The following CCDC171 variants were observed in gnomAD, a reference collection of about 807,000 sequenced individuals.
The protein encoded by CCDC171 is coiled-coil domain-containing protein 171.
CCDC171 carries 177 observed loss-of-function variants against 168.2 expected under a neutral mutation model. The observed-to-expected ratio is 1.05, with a 90% CI of 0.93 to 1.19. CCDC171 has a LOEUF of 1.19. CCDC171 is among the 50% of genes most tolerant of loss of function. CCDC171 has a pLI of 0.00. For synonymous variants in CCDC171, 687 were observed against 540.8 expected (o/e 1.27, Z -3.75); for missense variants, 1,991 against 1,539.0 (o/e 1.29, Z -4.91).
upstream of CCDC171, among the ~76,000 whole-genome samples, chr9:16,038,692 T>G (rs1415351787): frequency 6.6e-6 from 1 of 151,920 alleles, no homozygotes; most frequent in Non-Finnish European, 1.5e-5. Context: ...AAGCTCAAAC[T>G]AAGATGGCAG....
At chr9:15,963,022 G>A (rs73411564) in intron 25 of CCDC171, among the ~76,000 whole-genome samples, 1 of 151,654 alleles carries the variant, frequency 6.6e-6, no homozygotes, top group Non-Finnish European at 1.5e-5. Context: ...TGTATTATAT[G>A]GTTGTCATAC....
At chr9:16,106,687 T>G in the CCDC171 span, among the ~76,000 whole-genome samples, 1 of 152,242 alleles carries the variant, frequency 6.6e-6, no homozygotes, top group Non-Finnish European at 1.5e-5. Context: ...TGTTATTTAA[T>G]TGAGAGTCAT....
intron 21 of CCDC171, among the ~76,000 whole-genome samples, chr9:15,822,740 C>G (rs1563809612): frequency 1.3e-5 from 2 of 152,172 alleles, no homozygotes; most frequent in Non-Finnish European, 2.9e-5. Context: ...GTTGGTGGGA[C>G]TGTAAACTAG....
At chr9:15,894,559 G>T (rs1410810031) in intron 24 of CCDC171, among the ~76,000 whole-genome samples, 2 of 151,910 alleles carry the variant, frequency 1.3e-5, no homozygotes, top group South Asian at 2.1e-4. Flanking sequence ...CATGATCTGG[G>T]CCCTGCTGCT....
chr9:15,831,823 T>TTTTTTTTTTTTTTTTTTGAGACGG (rs2060245027), intron 21 of CCDC171, among the ~76,000 whole-genome samples: 1 of 151,872 alleles, frequency 6.6e-6, no homozygotes, highest in African/African-American at 2.4e-5. Flanking sequence ...AACTGCCTTT[T>TTTTTTTTTTTTTTTTTTGAGACGG]AAAAAATGTT....
chr9:16,008,738 C>T (rs990130965), intron 3 of CCDC171, among the ~76,000 whole-genome samples: 1 of 152,176 alleles, frequency 6.6e-6, no homozygotes, highest in Non-Finnish European at 1.5e-5. Flanking sequence ...TATACAGTAA[C>T]ATCTAACACC....
chr9:16,037,102 A>G (rs1381154712), intron 8 of CCDC171, among the ~76,000 whole-genome samples: 1 of 152,238 alleles, frequency 6.6e-6, no homozygotes, highest in Non-Finnish European at 1.5e-5. Flanking sequence ...AACCATAGTT[A>G]ATAATTTATT....
At chr9:15,797,873 C>A (rs1286225335) in intron 21 of CCDC171, among the ~76,000 whole-genome samples, 1 of 152,064 alleles carries the variant, frequency 6.6e-6, no homozygotes, top group Non-Finnish European at 1.5e-5. Context: ...TTAAGTTATT[C>A]CTGTGCTGTT....
chr9:15,554,214 G>C (rs541321245), intron 1 of CCDC171, among the ~76,000 whole-genome samples: 1 of 152,220 alleles, frequency 6.6e-6, no homozygotes, highest in East Asian at 1.9e-4. Flanking sequence ...TGGAGACGGG[G>C]TTTCACTGTG....
rs562707545 is a variant in CCDC171, at chr9:15,942,955, T to G, written c.3753+22533T>G. Among the ~76,000 whole-genome samples the G allele has an allele frequency of 1.3e-4, 20 of 152,088 alleles. No homozygotes were observed. In the East Asian group the frequency reaches 3.9e-3, roughly 29 times the overall value. ...CAGATGGTAAGAATGTCAGCCCACC[T>G]GAGAATAGCTCTGAACTCTGAGCTT... On this transcript the variant is annotated intron_variant, in intron 25 of 25. Transcript: ENST00000380701.
At chr9:15,921,392 C>T (rs1393747011) in intron 25 of CCDC171, among the ~76,000 whole-genome samples, 2 of 151,744 alleles carry the variant, frequency 1.3e-5, no homozygotes, top group Non-Finnish European at 3.0e-5. Context: ...CCCCATATTT[C>T]CTGTCTACCT....
downstream of CCDC171, among the ~76,000 whole-genome samples, chr9:16,066,617 C>G (rs1478288668): frequency 1.6e-5 from 2 of 122,902 alleles, no homozygotes; most frequent in Non-Finnish European, 3.3e-5. Flanking sequence ...CCCCCTCCCC[C>G]CACCCCACAA....
intron 25 of CCDC171, among the ~76,000 whole-genome samples, chr9:15,940,181 A>G (rs539194595): frequency 6.6e-6 from 1 of 151,966 alleles, no homozygotes; most frequent in African/African-American, 2.4e-5. Context: ...ATAATGAAAT[A>G]TATGTAAATA....
At chr9:15,677,988 C>G (rs1300455052) in intron 9 of CCDC171, among the ~76,000 whole-genome samples, 1 of 138,960 alleles carries the variant, frequency 7.2e-6, no homozygotes, top group African/African-American at 2.7e-5. Flanking sequence ...TAGCTCACTG[C>G]AACCTTGAAC....
intron 11 of CCDC171, among the ~76,000 whole-genome samples, chr9:15,718,688 A>C (rs1179523030): frequency 6.6e-6 from 1 of 152,218 alleles, no homozygotes; most frequent in Non-Finnish European, 1.5e-5. Flanking sequence ...AATCTAGAGA[A>C]TTCCTCTGAA....
chr9:15,840,141 A>G (rs1374871013), intron 21 of CCDC171, among the ~76,000 whole-genome samples: 1 of 152,092 alleles, frequency 6.6e-6, no homozygotes, highest in African/African-American at 2.4e-5. Context: ...TATTTACCCT[A>G]TTATTCACTT....
intron 21 of CCDC171, among the ~76,000 whole-genome samples, chr9:15,786,246 CT>C (rs896048183): frequency 6.6e-6 from 1 of 152,070 alleles, no homozygotes; most frequent in Non-Finnish European, 1.5e-5. Flanking sequence ...TGTTTTGAAA[CT>C]TACTTGTATT....
At chr9:16,094,219 G>C in the CCDC171 span, among the ~76,000 whole-genome samples, 3 of 152,316 alleles carry the variant, frequency 2.0e-5, no homozygotes, top group East Asian at 3.9e-4. Context: ...AAAGTATTTG[G>C]ATTATTCTTT....
chr9:15,862,512 T>C lies in CCDC171; in HGVS notation c.3469-12020T>C, dbSNP rs928256387. On this transcript the variant is annotated intron_variant, in intron 23 of 25. Transcript: ENST00000380701. ...TTTGAATTCTCTTTCAGATAATTAATATATCTCCATTTCATTAGTATTGGT... is the reference window on the plus strand; with the variant it reads ...TTTGAATTCTCTTTCAGATAATTAACATATCTCCATTTCATTAGTATTGGT... Among the ~76,000 whole-genome samples, 25 of 152,210 alleles carry C rather than the reference T, an allele frequency of 1.6e-4. 1 individual carries two copies. Among genetic ancestry groups the C allele is most frequent in the South Asian group, 8.3e-4 (4 of 4,828 alleles).
Sources: gnomAD v4.1 joint callset for allele counts (sites outside exome capture counted in the v4.1 genomes callset) on GRCh38, gnomAD v4.1.1 for gene constraint, MANE v1.5 for transcripts, NCBI Gene and HGNC (gene_info 2026-07-23, HGNC 2026-07-21) for gene names.